Variants in ICOS observed in about 807,000 individuals in gnomAD.
ICOS encodes inducible T cell costimulator.
ICOS carries 15 observed loss-of-function variants against 24.6 expected under a neutral mutation model. That is an observed-to-expected ratio of 0.61 (90% CI 0.41 to 0.94). The LOEUF (loss-of-function observed/expected upper bound fraction) is 0.94, where lower values mean the gene tolerates loss of function less well. Ranked by LOEUF, ICOS falls within the 40% of genes least tolerant of loss-of-function variation. ICOS has a pLI of 0.00. For missense variants in ICOS, 200 were observed against 233.0 expected, an observed-to-expected ratio of 0.86 and a Z score of 0.92; for synonymous variants, 89 against 77.5, an observed-to-expected ratio of 1.15 and a Z score of -0.78.
intron 1 of ICOS, among the ~76,000 whole-genome samples, chr2:203,947,092 G>A (rs1199240451): frequency 1.3e-5 from 2 of 152,126 alleles, no homozygotes; most frequent in Admixed American, 1.3e-4. Context: ...GATATTAAAA[G>A]CATCAACTTG....
At position 203,955,887 on chromosome 2, in the gene ICOS, G is replaced by A. The variant is rs1320405739; in HGVS notation, c.310G>A (p.Ala104Thr). The A allele has an allele frequency of 1.2e-6, 2 of 1,613,570 alleles. No individual in the cohort carries two copies. The highest frequency in any genetic ancestry group is 1.7e-6 in the Non-Finnish European group (2 of 1,179,680). Reference sequence around the variant, plus strand: ...TCTATACAACTTGGACCATTCTCATGCCAACTATTACTTCTGCAACCTATC... The same window carrying A: ...TCTATACAACTTGGACCATTCTCATACCAACTATTACTTCTGCAACCTATC... ...FFLYNLDHSH[A>T]NYYFCNLSIF... is the part of the protein sequence containing the mutation. Residue 104 changes from alanine to threonine, a missense_variant, in exon 2 of 5, where the codon GCC (alanine) becomes ACC (threonine). Transcript: ENST00000316386.
intron 1 of ICOS, among the ~76,000 whole-genome samples, chr2:203,940,470 C>G (rs190349769): frequency 6.6e-6 from 1 of 151,884 alleles, no homozygotes; most frequent in East Asian, 1.9e-4. Flanking sequence ...CGTTAAATAC[C>G]CCCAACTCTC....
At chr2:203,939,921 G>A (rs1300798706) in intron 1 of ICOS, among the ~76,000 whole-genome samples, 2 of 152,044 alleles carry the variant, frequency 1.3e-5, no homozygotes, top group Non-Finnish European at 1.5e-5. Flanking sequence ...GTCAGCATAA[G>A]CCTCTACTTG....
intron 4 of ICOS, among the ~76,000 whole-genome samples, chr2:203,958,189 G>GA (rs1553499623): frequency 6.6e-6 from 1 of 152,168 alleles, no homozygotes; most frequent in Non-Finnish European, 1.5e-5. Flanking sequence ...GATTCTAAGT[G>GA]TTTTTTGTTG....
Position 203,959,978 on chromosome 2 carries a change from G to A in ICOS, c.*379G>A. 1 of 355,964 alleles carries A rather than the reference G, an allele frequency of 2.8e-6. No individual in the cohort carries two copies. The highest frequency in any genetic ancestry group is 2.5e-5 in the South Asian group (1 of 40,036). 22.1% of individuals were successfully genotyped at this position (355,964 alleles called of 1,614,324 possible). The stretch of plus-strand genomic sequence containing the variant: ...GGTACTGAATCTGCAAAGCAAATGA[G>A]CAGCCAAGGACCAGCATCTGTCCGC... On this transcript the variant is annotated 3_prime_UTR_variant, in exon 5 of 5. Coordinates refer to ENST00000316386, the MANE Select transcript of ICOS (RefSeq NM_012092.4).
chr2:203,956,098 G>T, intron 2 of ICOS, 127 bp downstream of exon 2: 1 of 653,548 alleles, frequency 1.5e-6, no homozygotes, highest in Non-Finnish European at 2.6e-6. Flanking sequence ...GCAGTTGATG[G>T]TAATCATTTA....
At chr2:203,952,522 T>C (rs1690003189) in intron 1 of ICOS, among the ~76,000 whole-genome samples, 1 of 152,166 alleles carries the variant, frequency 6.6e-6, no homozygotes. Flanking sequence ...TGCATACTTT[T>C]AAAAAATATG....
chr2:203,955,525 GC>G lies in ICOS; in HGVS notation c.59-110del, dbSNP rs1267519317. The G allele has an allele frequency of 6.1e-6, 5 of 822,580 alleles. No individual in the cohort carries two copies. The East Asian group carries it at 1.1e-4, about 17-fold the overall frequency. The allele number at this position is 822,580 out of a possible 1,614,324, so 51.0% of individuals were successfully genotyped here. ...GAATGTGAAGCTGTTTCATTTTGGT[GC>G]AACAGAGATGACTTTATGCATTGAA... On this transcript the variant is annotated intron_variant, in intron 1 of 4. Transcript: ENST00000316386.
In ICOS at chr2:203,959,889, C is replaced by T. The variant is rs1690146822; in HGVS notation, c.*290C>T. ...TGGAATCCCTGTCTCCACATCTGCTCCTAGCAGTGCATCAGCCAGTAAAAC... is the reference window on the plus strand; with the variant it reads ...TGGAATCCCTGTCTCCACATCTGCTTCTAGCAGTGCATCAGCCAGTAAAAC... On this transcript the variant is annotated 3_prime_UTR_variant, in exon 5 of 5. Transcript: ENST00000316386. The T allele has an allele frequency of 1.9e-6, 1 of 527,410 alleles. No individual in the cohort carries two copies. The highest frequency in any genetic ancestry group is 3.4e-6 in the Non-Finnish European group (1 of 291,178). 32.7% of individuals were successfully genotyped at this position (527,410 alleles called of 1,614,324 possible). A position where few individuals can be genotyped will look rare whatever the true frequency, so the allele number is the denominator to read the frequency against.
intron 4 of ICOS, 61 bp from the exon 5 acceptor site, chr2:203,959,522 GCTT>G (rs1266071455): frequency 2.4e-5 from 35 of 1,440,994 alleles, no homozygotes; most frequent in Non-Finnish European, 3.3e-5. Flanking sequence ...AGAGGGGAAA[GCTT>G]CTTGTAGGGA....
intron 1 of ICOS, among the ~76,000 whole-genome samples, chr2:203,941,074 G>T (rs143617124): frequency 6.6e-6 from 1 of 152,074 alleles, no homozygotes; most frequent in Non-Finnish European, 1.5e-5. Context: ...GGGATTACAG[G>T]CGTGAGCCAC....
intron 1 of ICOS, among the ~76,000 whole-genome samples, chr2:203,952,678 AT>A (rs978943718): frequency 7.9e-5 from 12 of 152,002 alleles, no homozygotes; most frequent in African/African-American, 2.7e-4. Context: ...ATCTCAGTGC[AT>A]TTTTTTGGCC....
chr2:203,942,104 A>G (rs1323249229), intron 1 of ICOS, among the ~76,000 whole-genome samples: 1 of 152,232 alleles, frequency 6.6e-6, no homozygotes, highest in African/African-American at 2.4e-5. Flanking sequence ...ACACAGACAC[A>G]GCACTTTCAA....
At chr2:203,956,067 T>G (rs1690074444) in intron 2 of ICOS, 96 bp downstream of exon 2, 1 of 823,952 alleles carries the variant, frequency 1.2e-6, no homozygotes, top group African/African-American at 1.7e-5. Flanking sequence ...AAATATCTTT[T>G]GTGTTGGAGT....
At chr2:203,944,452 G>GTC (rs1242971804) in intron 1 of ICOS, among the ~76,000 whole-genome samples, 1 of 152,156 alleles carries the variant, frequency 6.6e-6, no homozygotes, top group Non-Finnish European at 1.5e-5. Flanking sequence ...GGAGAGGAGG[G>GTC]TCTCCCTTTC....
chr2:203,958,676 A>G (rs986284874), intron 4 of ICOS, among the ~76,000 whole-genome samples: 2 of 152,142 alleles, frequency 1.3e-5, no homozygotes, highest in Non-Finnish European at 2.9e-5. Context: ...ATAGCATGGG[A>G]TGGGAGCTAA....
At position 203,961,406 on chromosome 2, in the gene ICOS, C is replaced by A; in HGVS notation, c.*1807C>A. On this transcript the variant is annotated 3_prime_UTR_variant, in exon 5 of 5. Transcript: ENST00000316386. ...TGGTGGCCCACCTGGCCTGGTTGTC[C>A]AAGCTGTGCCTCGACACATCCTCAT... 1 of 169,846 alleles carries A rather than the reference C, an allele frequency of 5.9e-6. No homozygotes were observed. Among genetic ancestry groups the A allele is most frequent in the South Asian group, 2.0e-4 (1 of 4,940 alleles). The allele number at this position is 169,846 out of a possible 1,614,324, so 10.5% of individuals were successfully genotyped here. A position where few individuals can be genotyped will look rare whatever the true frequency, so the allele number is the denominator to read the frequency against.
chr2:203,946,176 T>C (rs1439570627), intron 1 of ICOS, among the ~76,000 whole-genome samples: 1 of 152,234 alleles, frequency 6.6e-6, no homozygotes, highest in East Asian at 1.9e-4. Context: ...AATTGCTTTG[T>C]GAATATTGAT....
intron 1 of ICOS, among the ~76,000 whole-genome samples, chr2:203,948,031 G>A (rs1689904069): frequency 6.6e-6 from 1 of 152,158 alleles, no homozygotes; most frequent in Admixed American, 6.5e-5. Flanking sequence ...AACCAGGTTT[G>A]TTGCTCACTT....
Sources: allele counts gnomAD v4.1 joint callset (sites outside exome capture counted in the v4.1 genomes callset), GRCh38; gene constraint gnomAD v4.1.1; transcripts MANE v1.5; gene names NCBI Gene and HGNC (gene_info 2026-07-23, HGNC 2026-07-21).